The following CFAP299 variants were observed in gnomAD, a reference collection of about 807,000 sequenced individuals.
CFAP299 encodes cilia- and flagella-associated protein 299.
In CFAP299, 21 loss-of-function variants were observed where a neutral mutation model predicts 27.0. The ratio of observed to expected loss-of-function variants is 0.78; its 90% CI spans 0.55 to 1.12. The LOEUF (loss-of-function observed/expected upper bound fraction) is 1.12, where lower values mean the gene tolerates loss of function less well. Among genes scored for constraint, CFAP299 ranks in the 50% most tolerant of loss-of-function variants. The probability of loss-of-function intolerance (pLI) is 0.00; values close to 1 mark genes in which losing one functional copy is unlikely to be tolerated. For synonymous variants in CFAP299, 104 were observed against 98.1 expected (o/e 1.06, Z -0.36); for missense variants, 310 against 276.6 (o/e 1.12, Z -0.86).
intron 5 of CFAP299, among the ~76,000 whole-genome samples, chr4:80,956,303 A>G (rs571705017): frequency 6.6e-6 from 1 of 152,202 alleles, no homozygotes; most frequent in Non-Finnish European, 1.5e-5. Flanking sequence ...CCCATGCCCT[A>G]TTTATTTTGC....
chr4:80,954,522 G>T (rs1737951224), intron 5 of CFAP299, among the ~76,000 whole-genome samples: 1 of 152,086 alleles, frequency 6.6e-6, no homozygotes, highest in Non-Finnish European at 1.5e-5. Flanking sequence ...ATGTACATTG[G>T]TGGCCCTGAA....
intron 4 of CFAP299, among the ~76,000 whole-genome samples, chr4:80,902,011 T>C (rs1471020526): frequency 6.6e-6 from 1 of 152,052 alleles, no homozygotes; most frequent in African/African-American, 2.4e-5. Flanking sequence ...TATATATTTA[T>C]ATGGCATTGT....
At chr4:80,439,164 T>C (rs1401850341) in intron 2 of CFAP299, among the ~76,000 whole-genome samples, 2 of 152,248 alleles carry the variant, frequency 1.3e-5, no homozygotes, top group Non-Finnish European at 2.9e-5. Flanking sequence ...TTTGTTTTGA[T>C]TACTAAATTG....
At chr4:80,395,227 G>A (rs1439183167) in intron 2 of CFAP299, among the ~76,000 whole-genome samples, 4 of 152,068 alleles carry the variant, frequency 2.6e-5, no homozygotes, top group African/African-American at 9.6e-5. Context: ...TGTTGTTAGT[G>A]TATACAAACA....
intron 2 of CFAP299, among the ~76,000 whole-genome samples, chr4:80,384,778 A>T (rs1262558669): frequency 6.6e-6 from 1 of 152,056 alleles, no homozygotes; most frequent in Non-Finnish European, 1.5e-5. Flanking sequence ...CCACCTTTCT[A>T]ATTTAAGCAC....
chr4:80,338,770 C>T (rs139011753), intron 1 of CFAP299, among the ~76,000 whole-genome samples: 246 of 152,206 alleles, frequency 1.6e-3, no homozygotes, highest in African/African-American at 5.1e-3. Context: ...GCTTACAGTC[C>T]GGTCTAAGTT....
intron 2 of CFAP299, chr4:80,387,738 G>A: frequency 6.3e-7 from 1 of 1,585,960 alleles, no homozygotes; most frequent in Non-Finnish European, 8.7e-7. Context: ...TGTGGCTTCA[G>A]ATGTGCTGCT....
At chr4:80,337,028 G>T (rs2109963162) in intron 1 of CFAP299, among the ~76,000 whole-genome samples, 1 of 152,300 alleles carries the variant, frequency 6.6e-6, no homozygotes, top group Admixed American at 6.5e-5. Context: ...ATAAATGTAG[G>T]TGGTATTTCC....
intron 4 of CFAP299, among the ~76,000 whole-genome samples, chr4:80,922,908 A>G (rs942798727): frequency 4.4e-4 from 67 of 150,636 alleles, no homozygotes; most frequent in African/African-American, 1.6e-3. Context: ...AATATCTACT[A>G]ATACTCTACC....
intron 4 of CFAP299, among the ~76,000 whole-genome samples, chr4:80,907,369 G>A (rs1289681281): frequency 6.6e-6 from 1 of 152,134 alleles, no homozygotes; most frequent in Admixed American, 6.6e-5. Flanking sequence ...ACCTCTGCAT[G>A]TCACATAGTT....
intron 2 of CFAP299, among the ~76,000 whole-genome samples, chr4:80,527,170 G>A (rs1733233937): frequency 6.6e-6 from 1 of 152,058 alleles, no homozygotes; most frequent in Non-Finnish European, 1.5e-5. Flanking sequence ...CATCATCATT[G>A]TTCTGAAATG....
chr4:80,842,149 T>C (rs1042445157), intron 3 of CFAP299, among the ~76,000 whole-genome samples: 1 of 152,024 alleles, frequency 6.6e-6, no homozygotes, highest in Non-Finnish European at 1.5e-5. Context: ...AAAAGCAAAT[T>C]ACACACAGAT....
intron 3 of CFAP299, among the ~76,000 whole-genome samples, chr4:80,662,246 C>T (rs568767270): frequency 7.2e-5 from 11 of 152,120 alleles, no homozygotes; most frequent in East Asian, 1.9e-4. Flanking sequence ...GCTGGTTTTA[C>T]GGCTCAGGGG....
intron 3 of CFAP299, among the ~76,000 whole-genome samples, chr4:80,844,557 G>A (rs1731058273): frequency 6.6e-6 from 1 of 152,136 alleles, no homozygotes; most frequent in Admixed American, 6.6e-5. Flanking sequence ...GTCTTCTTTT[G>A]AGAATTGTCT....
chr4:80,959,861 T>A (rs1738254975), intron 5 of CFAP299, among the ~76,000 whole-genome samples: 2 of 151,872 alleles, frequency 1.3e-5, no homozygotes, highest in South Asian at 4.1e-4. Context: ...TTGATTAAAA[T>A]AAGATCAGGG....
At chr4:80,614,090 C>G (rs1398714054) in intron 3 of CFAP299, among the ~76,000 whole-genome samples, 1 of 152,120 alleles carries the variant, frequency 6.6e-6, no homozygotes, top group Non-Finnish European at 1.5e-5. Context: ...AAGGACACTT[C>G]CAGTTTTGTA....
chr4:80,856,093 G>A (rs984479332), intron 3 of CFAP299, among the ~76,000 whole-genome samples: 2 of 151,400 alleles, frequency 1.3e-5, no homozygotes, highest in East Asian at 1.9e-4. Flanking sequence ...TTTAATGATT[G>A]CCATTCTAAC....
At chr4:80,483,689 A>G (rs1432119830) in intron 2 of CFAP299, among the ~76,000 whole-genome samples, 1 of 152,168 alleles carries the variant, frequency 6.6e-6, no homozygotes, top group African/African-American at 2.4e-5. Flanking sequence ...AAAATATTTT[A>G]AAAGTAATGT....
intron 3 of CFAP299, among the ~76,000 whole-genome samples, chr4:80,730,583 T>G (rs1723463908): frequency 6.6e-6 from 1 of 151,906 alleles, no homozygotes; most frequent in Middle Eastern, 3.2e-3. Flanking sequence ...AGCTGTGAAG[T>G]GGATTCTTCA....
Sources: allele counts gnomAD v4.1 joint callset (sites outside exome capture counted in the v4.1 genomes callset), GRCh38; gene constraint gnomAD v4.1.1; transcripts MANE v1.5; gene names NCBI Gene and HGNC (gene_info 2026-07-23, HGNC 2026-07-21).